Variants in ICE1 observed in about 807,000 individuals in gnomAD.
The protein encoded by ICE1 is interactor of little elongation complex ELL subunit 1.
In ICE1, 64 loss-of-function variants were observed where a neutral mutation model predicts 192.7. The observed-to-expected ratio is 0.33, with a 90% CI of 0.27 to 0.41. The LOEUF (loss-of-function observed/expected upper bound fraction) is 0.41, where lower values mean the gene tolerates loss of function less well. Ranked by LOEUF, ICE1 falls within the 10% of genes least tolerant of loss-of-function variation. The probability of loss-of-function intolerance (pLI) is 1.00; values close to 1 mark genes in which losing one functional copy is unlikely to be tolerated. For synonymous variants in ICE1, 1,010 were observed against 984.5 expected (o/e 1.03, Z -0.49); for missense variants, 2,708 against 2,696.0 (o/e 1.00, Z -0.10).
chr5:5,441,705 G>A (rs1738058706), intron 5 of ICE1, among the ~76,000 whole-genome samples: 1 of 152,126 alleles, frequency 6.6e-6, no homozygotes, highest in Non-Finnish European at 1.5e-5. Flanking sequence ...TATGAGTTAA[G>A]ATGTCCTTTA....
chr5:5,446,450 C>A (rs558948212), intron 7 of ICE1, among the ~76,000 whole-genome samples: 2 of 151,378 alleles, frequency 1.3e-5, no homozygotes, highest in South Asian at 2.1e-4. Context: ...CCACGACACC[C>A]GACTAATTTC....
intron 3 of ICE1, among the ~76,000 whole-genome samples, chr5:5,438,699 C>G (rs1737951521): frequency 6.6e-6 from 1 of 152,088 alleles, no homozygotes; most frequent in Non-Finnish European, 1.5e-5. Context: ...TGTAACCTAG[C>G]AGAGAAATAA....
intron 18 of ICE1, 131 bp downstream of exon 18, chr5:5,486,950 A>C: frequency 1.7e-6 from 1 of 571,602 alleles, no homozygotes; most frequent in Non-Finnish European, 3.1e-6. Context: ...GAATATTTGC[A>C]AAACATTCCA....
chr5:5,424,748 C>T (rs1737473237), intron 1 of ICE1, among the ~76,000 whole-genome samples: 1 of 152,120 alleles, frequency 6.6e-6, no homozygotes, highest in South Asian at 2.1e-4. Context: ...ATAATAAGCT[C>T]TGTAGAAATC....
rs1441794852 is a variant in ICE1 at position 5,441,231 on chromosome 5, C to G, written c.309+8C>G. ...GAGCTAGAAGAGAAAAAGGTATGAA[C>G]AATAATTTTCTGTAAAGATTTACGG... On this transcript the variant is annotated splice_region_variant and intron_variant, in intron 5 of 18. Transcript: ENST00000296564. 6.8e-7 allele frequency: 1 copy of G among 1,469,708 alleles called. No homozygotes were observed. The highest frequency in any genetic ancestry group is 9.3e-7 in the Non-Finnish European group (1 of 1,072,744). The allele number at this position is 1,469,708 out of a possible 1,614,324, so 91.0% of individuals were successfully genotyped here. A position where few individuals can be genotyped will look rare whatever the true frequency, so the allele number is the denominator to read the frequency against.
chr5:5,483,086 G>C (rs1484516923), intron 17 of ICE1, among the ~76,000 whole-genome samples: 1 of 152,086 alleles, frequency 6.6e-6, no homozygotes, highest in African/African-American at 2.4e-5. Flanking sequence ...CACCTCCCAG[G>C]TTCAAGCGAT....
intron 1 of ICE1, among the ~76,000 whole-genome samples, chr5:5,426,286 A>G (rs535010943): frequency 8.5e-4 from 130 of 152,254 alleles, no homozygotes; most frequent in Admixed American, 1.6e-3. Context: ...CTCTACGAAA[A>G]ATACAAAAAT....
At chr5:5,450,685 A>G (rs1738388844) in intron 10 of ICE1, among the ~76,000 whole-genome samples, 1 of 152,250 alleles carries the variant, frequency 6.6e-6, no homozygotes, top group Non-Finnish European at 1.5e-5. Context: ...ATGGATAAAA[A>G]TATTCCAAGC....
At chr5:5,454,739 T>C in intron 11 of ICE1, 101 bp downstream of exon 11, 1 of 750,020 alleles carries the variant, frequency 1.3e-6, no homozygotes, top group Non-Finnish European at 2.2e-6. Context: ...GATTCTAACA[T>C]TGAAAGAATG....
intron 1 of ICE1, among the ~76,000 whole-genome samples, chr5:5,429,755 A>C (rs1443961312): frequency 6.6e-6 from 1 of 152,220 alleles, no homozygotes; most frequent in Non-Finnish European, 1.5e-5. Context: ...GTGCTCAGCC[A>C]GGTGTGATTC....
At chr5:5,485,576 G>T (rs1435137617) in intron 17 of ICE1, among the ~76,000 whole-genome samples, 3 of 152,208 alleles carry the variant, frequency 2.0e-5, no homozygotes, top group Admixed American at 6.5e-5. Flanking sequence ...GGTACTTGAA[G>T]TGTGAAATCT....
At position 5,473,879 on chromosome 5, in the gene ICE1, TTTTTA is replaced by T. The variant is rs1739235430; in HGVS notation, c.6413+138_6413+142del. ...GATGAAACATTTACAAATTACACTG[TTTTTA>T]TTTTATAAGAGTTAATAAAACTACC... On this transcript the variant is annotated intron_variant, in intron 16 of 18. Transcript: ENST00000296564. The T allele has an allele frequency of 4.7e-6, 3 of 644,120 alleles. No homozygotes were observed. In the South Asian group the frequency reaches 7.0e-5, roughly 15 times the overall value. The allele number at this position is 644,120 out of a possible 1,614,324, so 39.9% of individuals were successfully genotyped here.
In ICE1 at chr5:5,465,196, AGTT is replaced by A; in HGVS notation, c.5866_5868del (p.Val1956del). ...CCGTAATGAGAGATCAAGAGAAGGA[AGTT>A]GTTTATGAATTTAGCACAACAAAAA... On this transcript the variant is annotated inframe_deletion, in exon 13 of 19. Transcript: ENST00000296564. 6.3e-7 allele frequency: 1 copy of A among 1,589,742 alleles called. No individual in the cohort carries two copies. The highest frequency in any genetic ancestry group is 8.6e-7 in the Non-Finnish European group (1 of 1,167,072).
At chr5:5,483,794 A>C (rs1739570358) in intron 17 of ICE1, among the ~76,000 whole-genome samples, 1 of 152,222 alleles carries the variant, frequency 6.6e-6, no homozygotes, top group Admixed American at 6.5e-5. Context: ...GTCACATGTC[A>C]GGTTTCTGCA....
intron 10 of ICE1, among the ~76,000 whole-genome samples, chr5:5,449,717 T>C (rs1416706639): frequency 6.6e-6 from 1 of 152,216 alleles, no homozygotes; most frequent in Non-Finnish European, 1.5e-5. Context: ...GTGAAAGGAA[T>C]GCCAAGCTTC....
chr5:5,446,280 G>C (rs982969527), intron 7 of ICE1, among the ~76,000 whole-genome samples: 1 of 150,952 alleles, frequency 6.6e-6, no homozygotes, highest in African/African-American at 2.4e-5. Context: ...ACAGGTGTGA[G>C]CCACTGTGCC....
intron 17 of ICE1, among the ~76,000 whole-genome samples, chr5:5,478,397 T>G (rs554116135): frequency 5.9e-5 from 9 of 152,236 alleles, no homozygotes; most frequent in Admixed American, 5.2e-4. Flanking sequence ...GTAATAAAAC[T>G]TACAAGGGAT....
chr5:5,487,832 C>T (rs1486111591), intron 18 of ICE1, among the ~76,000 whole-genome samples: 1 of 152,162 alleles, frequency 6.6e-6, no homozygotes, highest in Non-Finnish European at 1.5e-5. Flanking sequence ...TAGATTAGAC[C>T]TTGTGCATGG....
rs754865830 is a variant in ICE1 at position 5,463,078 on chromosome 5, A to G, written c.3744A>G (p.Thr1248=). ...AAGATGATTATTCGTTAAAAAATAC[A>G]AGTCAGCTCACTCAGTGTTCTTTGG... The part of the protein sequence containing the change: ...SEEDDYSLKN[T]SQLTQCSLET... Residue 1248 remains threonine (T), a synonymous_variant, in exon 13 of 19, where the codon ACA becomes ACG. Coordinates refer to ENST00000296564, the MANE Select transcript of ICE1 (RefSeq NM_015325.3). 1 of 1,613,590 alleles carries G rather than the reference A, an allele frequency of 6.2e-7. No individual in the cohort carries two copies. Among genetic ancestry groups the G allele is most frequent in the Non-Finnish European group, 8.5e-7 (1 of 1,179,754 alleles).
Sources: allele counts gnomAD v4.1 joint callset (sites outside exome capture counted in the v4.1 genomes callset), GRCh38; gene constraint gnomAD v4.1.1; transcripts MANE v1.5; gene names NCBI Gene and HGNC (gene_info 2026-07-23, HGNC 2026-07-21).